OSBPL1A: variants seen among roughly 807,000 people sequenced by gnomAD.
OSBPL1A encodes oxysterol-binding protein-related protein 1.
A neutral mutation model predicts 137.1 loss-of-function variants in OSBPL1A; 80 were observed. That is an observed-to-expected ratio of 0.58 (90% CI 0.49 to 0.70). OSBPL1A has a LOEUF of 0.70. OSBPL1A is among the 30% of genes least tolerant of loss of function. The pLI, the probability that OSBPL1A is intolerant of heterozygous loss-of-function variation, is 0.00. For synonymous variants in OSBPL1A, 365 were observed against 389.7 expected (o/e 0.94, Z 0.75); for missense variants, 970 against 1,129.4 (o/e 0.86, Z 2.02).
chr18:24,293,164 AGAATTT>A (rs1447001780), intron 14 of OSBPL1A, among the ~76,000 whole-genome samples: 1 of 151,712 alleles, frequency 6.6e-6, no homozygotes, highest in Non-Finnish European at 1.5e-5. Flanking sequence ...TTAACTGAGA[AGAATTT>A]GAAAAAGAGA....
chr18:24,167,846 C>T (rs566247162), intron 24 of OSBPL1A, among the ~76,000 whole-genome samples: 15 of 152,288 alleles, frequency 9.8e-5, no homozygotes, highest in Non-Finnish European at 1.5e-4. Flanking sequence ...TTATTGCACA[C>T]CACTAGAATG....
chr18:24,301,907 G>A (rs934130398), intron 14 of OSBPL1A, among the ~76,000 whole-genome samples: 1 of 152,296 alleles, frequency 6.6e-6, no homozygotes, highest in South Asian at 2.1e-4. Context: ...TCTTGGAGTT[G>A]ACTAAAGGAA....
At chr18:24,197,792 T>C (rs1599475742) in intron 17 of OSBPL1A, among the ~76,000 whole-genome samples, 1 of 148,364 alleles carries the variant, frequency 6.7e-6, no homozygotes, top group African/African-American at 2.4e-5. Flanking sequence ...TTTTCTTTTT[T>C]TTTTTTTTTT....
At chr18:24,282,212 G>A (rs1044403275) in intron 14 of OSBPL1A, among the ~76,000 whole-genome samples, 3 of 151,524 alleles carry the variant, frequency 2.0e-5, no homozygotes, top group Middle Eastern at 6.3e-3. Context: ...TAAACAACAG[G>A]GTAATGTTTA....
intron 7 of OSBPL1A, among the ~76,000 whole-genome samples, chr18:24,323,556 T>A (rs2090910780): frequency 1.8e-5 from 1 of 55,062 alleles, no homozygotes; most frequent in African/African-American, 2.3e-4. Context: ...TTTTTTTTTT[T>A]TTTTTATTAT....
At position 24,179,851 on chromosome 18, in the gene OSBPL1A, T is replaced by C. The variant is rs371097853; in HGVS notation, c.1813-16A>G. 49 of 1,607,022 alleles carry C rather than the reference T, an allele frequency of 3.0e-5. No individual in the cohort carries two copies. Among genetic ancestry groups the C allele is most frequent in the Non-Finnish European group, 3.8e-5 (45 of 1,173,780 alleles). On this transcript the variant is annotated splice_polypyrimidine_tract_variant and intron_variant, in intron 19 of 27. Coordinates refer to ENST00000319481, the MANE Select transcript of OSBPL1A (RefSeq NM_080597.4). Reference sequence around the variant, plus strand: ...CAGCTACACACTGTGGGACAGAGCATGAGAACAAGTCAAAAATAGCCGAGC... The same window carrying C: ...CAGCTACACACTGTGGGACAGAGCACGAGAACAAGTCAAAAATAGCCGAGC...
intron 14 of OSBPL1A, among the ~76,000 whole-genome samples, chr18:24,282,973 G>T (rs190449778): frequency 6.6e-6 from 1 of 152,056 alleles, no homozygotes; most frequent in East Asian, 1.9e-4. Flanking sequence ...GCTGGGCATG[G>T]TGGTGTGCAC....
Position 24,225,089 on chromosome 18 carries a change from T to G in OSBPL1A, c.1554A>C (p.Lys518Asn). 1 of 1,614,198 alleles carries G rather than the reference T, an allele frequency of 6.2e-7. No individual in the cohort carries two copies. The highest frequency in any genetic ancestry group is 8.5e-7 in the Non-Finnish European group (1 of 1,180,010). ...AGAGAGCATCTCCGCCACCACAGTC[T>G]TTTTCTTCGGACATTCTGTGTTTTC... ...GSRKHRMSEE[K>N]DCGGGDALSN... Residue 518 changes from lysine to asparagine, a missense_variant, in exon 17 of 28, where the codon AAA becomes AAC. This residue lies in a region of OSBPL1A where 647 missense variants were observed against 672.6 expected (regional missense o/e 0.96). Transcript: ENST00000319481.
chr18:24,192,115 T>C (rs530685129), intron 18 of OSBPL1A, among the ~76,000 whole-genome samples: 5 of 152,252 alleles, frequency 3.3e-5, no homozygotes, highest in Admixed American at 3.3e-4. Flanking sequence ...CTCCAAGACA[T>C]TTGAACACAC....
chr18:24,239,925 C>CTTTTTT (rs10699940), intron 15 of OSBPL1A, among the ~76,000 whole-genome samples: 3 of 125,624 alleles, frequency 2.4e-5, no homozygotes, highest in Non-Finnish European at 3.2e-5. Flanking sequence ...TCATTTTTCT[C>CTTTTTT]TTTTTTTTTT....
At chr18:24,333,340 G>T (rs112223188) in intron 6 of OSBPL1A, among the ~76,000 whole-genome samples, 6 of 152,216 alleles carry the variant, frequency 3.9e-5, no homozygotes, top group African/African-American at 1.4e-4. Context: ...CACTGTGCCA[G>T]CACCATCTCA....
At chr18:24,397,272 T>C (rs758475851) in intron 1 of OSBPL1A, among the ~76,000 whole-genome samples, 31 of 152,152 alleles carry the variant, frequency 2.0e-4, no homozygotes, top group Non-Finnish European at 2.6e-4. Flanking sequence ...GCATCAATCC[T>C]CCTCTTGTTA....
At chr18:24,331,397 C>T (rs948184944) in intron 7 of OSBPL1A, among the ~76,000 whole-genome samples, 20 of 140,456 alleles carry the variant, frequency 1.4e-4, no homozygotes, top group Non-Finnish European at 2.7e-4. Flanking sequence ...GCATGTTCCT[C>T]TTTTTTTTTT....
chr18:24,215,894 T>G (rs1395178582), intron 17 of OSBPL1A, among the ~76,000 whole-genome samples: 1 of 152,200 alleles, frequency 6.6e-6, no homozygotes, highest in Non-Finnish European at 1.5e-5. Flanking sequence ...GGTACATCTT[T>G]GGATAAATAG....
intron 16 of OSBPL1A, among the ~76,000 whole-genome samples, chr18:24,236,034 A>G (rs1019994614): frequency 6.6e-6 from 1 of 152,176 alleles, no homozygotes; most frequent in African/African-American, 2.4e-5. Context: ...TAGAAGCTAG[A>G]AAAGGCAAGG....
Position 24,312,057 on chromosome 18 carries a change from C to T in OSBPL1A, c.1019G>A (p.Cys340Tyr), listed in dbSNP as rs746910462. 3 of 1,614,050 alleles carry T rather than the reference C, an allele frequency of 1.9e-6. No homozygotes were observed. Among genetic ancestry groups the T allele is most frequent in the Non-Finnish European group, 2.5e-6 (3 of 1,179,934 alleles). ...CTCATCAGTCAGCTGGTCCTGGGAACAGTAGTGAGTGCTGTAAGCAGAATG... is the reference window on the plus strand; with the variant it reads ...CTCATCAGTCAGCTGGTCCTGGGAATAGTAGTGAGTGCTGTAAGCAGAATG... ...EEHSAYSTHYCSQDQLTDEEE... is the reference protein window; with the variant it reads ...EEHSAYSTHYYSQDQLTDEEE... Residue 340 changes from cysteine (C) to tyrosine (Y), a missense_variant, in exon 13 of 28, where the codon TGT becomes TAT. Cys to Tyr is a radical substitution (Grantham distance 194). Transcript: ENST00000319481.
intron 26 of OSBPL1A, among the ~76,000 whole-genome samples, chr18:24,165,955 G>T (rs922153172): frequency 3.9e-5 from 6 of 152,036 alleles, no homozygotes; most frequent in Non-Finnish European, 7.4e-5. Flanking sequence ...AAATTAGCCG[G>T]GTGTGGTGGC....
intron 14 of OSBPL1A, chr18:24,302,395 C>A (rs1220018761): frequency 4.0e-5 from 6 of 151,870 alleles, no homozygotes; most frequent in African/African-American, 1.5e-4. Flanking sequence ...GCACCTTTTT[C>A]TCAATACTTA....
chr18:24,383,527 A>C (rs1053168681), intron 1 of OSBPL1A, among the ~76,000 whole-genome samples: 1 of 152,216 alleles, frequency 6.6e-6, no homozygotes, highest in African/African-American at 2.4e-5. Context: ...GGAGGTCAAC[A>C]CAGGCGGATC....
Sources: allele counts gnomAD v4.1 joint callset (sites outside exome capture counted in the v4.1 genomes callset), GRCh38; gene constraint gnomAD v4.1.1; regional missense constraint gnomAD v4.1.1; transcripts MANE v1.5; gene names NCBI Gene and HGNC (gene_info 2026-07-23, HGNC 2026-07-21).